Variants in KIFAP3 observed in about 807,000 individuals in gnomAD.
KIFAP3 encodes kinesin associated protein 3, also known as kinesin-associated protein 3.
Under a neutral mutation model 106.5 loss-of-function variants are expected in KIFAP3, and 68 were observed. The observed-to-expected ratio is 0.64, with a 90% CI of 0.53 to 0.78. The LOEUF is 0.78. Among genes scored for constraint, KIFAP3 ranks in the 30% least tolerant of loss-of-function variants. The pLI is 0.00. For synonymous variants in KIFAP3, 320 were observed against 311.5 expected, an observed-to-expected ratio of 1.03 and a Z score of -0.29; for missense variants, 780 against 941.8, an observed-to-expected ratio of 0.83 and a Z score of 2.25.
chr1:169,978,246 T>C, intron 15 of KIFAP3, 63 bp from the exon 16 acceptor site: 2 of 1,067,696 alleles, frequency 1.9e-6, no homozygotes, highest in Non-Finnish European at 2.9e-6. Flanking sequence ...TTAAAATAAT[T>C]GAGGGGAATA....
At chr1:170,001,475 T>C (rs1393010287) in intron 10 of KIFAP3, among the ~76,000 whole-genome samples, 1 of 152,174 alleles carries the variant, frequency 6.6e-6, no homozygotes, top group African/African-American at 2.4e-5. Flanking sequence ...GCAATCTTGA[T>C]ATGAGTCTAC....
chr1:169,993,891 A>AT (rs1667243473), intron 10 of KIFAP3, among the ~76,000 whole-genome samples: 1 of 152,252 alleles, frequency 6.6e-6, no homozygotes, highest in Non-Finnish European at 1.5e-5. Context: ...TCAAAAAAAA[A>AT]GTAAGCAAAA....
In KIFAP3 at chr1:170,016,631, A is replaced by G; in HGVS notation, c.1021-7T>C. Reference sequence around the variant, plus strand: ...CAACAATATCCATTTCCACCTAAGTAAAATAATAATACAAATACAGTGAAG... The same window carrying G: ...CAACAATATCCATTTCCACCTAAGTGAAATAATAATACAAATACAGTGAAG... On this transcript the variant is annotated splice_polypyrimidine_tract_variant and splice_region_variant and intron_variant, in intron 9 of 19. Coordinates refer to ENST00000361580, the MANE Select transcript of KIFAP3 (RefSeq NM_014970.4). 1 of 1,547,130 alleles carries G rather than the reference A, an allele frequency of 6.5e-7. No individual in the cohort carries two copies. Among genetic ancestry groups the G allele is most frequent in the Non-Finnish European group, 8.7e-7 (1 of 1,144,674 alleles).
intron 14 of KIFAP3, 36 bp downstream of exon 14, chr1:169,982,666 T>A: frequency 7.2e-7 from 1 of 1,394,186 alleles, no homozygotes; most frequent in African/African-American, 1.5e-5. Flanking sequence ...AGAAATAACT[T>A]AGTGATTATA....
chr1:170,076,779 C>A (rs1261637587), upstream of KIFAP3, among the ~76,000 whole-genome samples: 1 of 152,112 alleles, frequency 6.6e-6, no homozygotes, highest in Non-Finnish European at 1.5e-5. Context: ...TTCAAATAAG[C>A]CCTATTAATT....
At chr1:170,065,014 T>A (rs1008058445) in intron 1 of KIFAP3, among the ~76,000 whole-genome samples, 1 of 152,198 alleles carries the variant, frequency 6.6e-6, no homozygotes, top group South Asian at 2.1e-4. Context: ...ATCCTTTTTT[T>A]TCTAGACTTC....
intron 17 of KIFAP3, among the ~76,000 whole-genome samples, chr1:169,961,540 T>C (rs1023495658): frequency 2.0e-5 from 3 of 152,160 alleles, no homozygotes; most frequent in East Asian, 1.9e-4. Flanking sequence ...AAGACTTCAG[T>C]TTCCAAAGAG....
intron 7 of KIFAP3, among the ~76,000 whole-genome samples, chr1:170,033,393 G>A (rs555787311): frequency 2.3e-4 from 35 of 151,762 alleles, no homozygotes; most frequent in Admixed American, 3.9e-4. Context: ...ACAAAGCAGA[G>A]TTAAAAATGT....
intron 10 of KIFAP3, among the ~76,000 whole-genome samples, chr1:170,010,113 A>C (rs1668171974): frequency 6.6e-6 from 1 of 152,112 alleles, no homozygotes; most frequent in East Asian, 1.9e-4. Flanking sequence ...TACTGAACTA[A>C]GCAGAAATAA....
chr1:170,038,659 T>C (rs1282428981), intron 4 of KIFAP3, among the ~76,000 whole-genome samples: 1 of 152,206 alleles, frequency 6.6e-6, no homozygotes, highest in Non-Finnish European at 1.5e-5. Context: ...AAATTGTCTA[T>C]CAATATAAAG....
intron 17 of KIFAP3, among the ~76,000 whole-genome samples, chr1:169,967,304 C>T (rs4141917): frequency 0.27 from 40,359 of 151,590 alleles, 6,282 homozygotes; most frequent in East Asian, 0.5. Context: ...CTGGACAAAA[C>T]TTTCCTTTTT....
In KIFAP3 at chr1:170,057,593, GT is replaced by G. The variant is rs34212266; in HGVS notation, c.33-2158del. ...ATACAAAGAGAGAATGACAGCTATAGTTTTTTTTTTTTAACAGAAGAGGCTT... is the reference window on the plus strand; with the variant it reads ...ATACAAAGAGAGAATGACAGCTATAGTTTTTTTTTTTAACAGAAGAGGCTT... On this transcript the variant is annotated intron_variant, in intron 1 of 19. Transcript: ENST00000361580. Among the ~76,000 whole-genome samples the G allele has an allele frequency of 3.4e-4, 50 of 147,620 alleles. No homozygotes were observed. In the East Asian group the frequency reaches 4.9e-3, roughly 14 times the overall value.
At chr1:170,070,868 T>C (rs1479167087) in intron 1 of KIFAP3, among the ~76,000 whole-genome samples, 1 of 152,104 alleles carries the variant, frequency 6.6e-6, no homozygotes, top group Non-Finnish European at 1.5e-5. Flanking sequence ...ACCAAGATAG[T>C]GCAAAGAAAA....
At chr1:170,059,654 T>TC (rs1671031859) in intron 1 of KIFAP3, among the ~76,000 whole-genome samples, 3 of 152,160 alleles carry the variant, frequency 2.0e-5, no homozygotes, top group African/African-American at 2.4e-5. Flanking sequence ...GAATCCTCCC[T>TC]AACTCATTTT....
intron 3 of KIFAP3, among the ~76,000 whole-genome samples, chr1:170,039,958 A>C (rs1669888571): frequency 6.6e-6 from 1 of 152,116 alleles, no homozygotes; most frequent in Non-Finnish European, 1.5e-5. Context: ...AAACTATCAA[A>C]TATACTTTAT....
At chr1:170,065,991 C>T (rs1331526761) in intron 1 of KIFAP3, among the ~76,000 whole-genome samples, 1 of 152,120 alleles carries the variant, frequency 6.6e-6, no homozygotes, top group Non-Finnish European at 1.5e-5. Flanking sequence ...TGATTATTTT[C>T]CTAACAGCCT....
At chr1:170,072,105 TTAAA>T (rs1453362469) in intron 1 of KIFAP3, among the ~76,000 whole-genome samples, 13 of 152,364 alleles carry the variant, frequency 8.5e-5, no homozygotes, top group African/African-American at 3.1e-4. Flanking sequence ...ATCTCAACTA[TTAAA>T]TGAATGAACA....
At chr1:170,064,002 T>C (rs1424250874) in intron 1 of KIFAP3, among the ~76,000 whole-genome samples, 3 of 152,210 alleles carry the variant, frequency 2.0e-5, no homozygotes, top group Non-Finnish European at 4.4e-5. Context: ...CCAAGTACCT[T>C]ATATTGTTAT....
At chr1:170,058,388 T>C (rs1161209888) in intron 1 of KIFAP3, among the ~76,000 whole-genome samples, 1 of 152,198 alleles carries the variant, frequency 6.6e-6, no homozygotes, top group African/African-American at 2.4e-5. Flanking sequence ...ACTCTCCATA[T>C]GCTCTCTGGC....
Sources: gnomAD v4.1 joint callset for allele counts (sites outside exome capture counted in the v4.1 genomes callset) on GRCh38, gnomAD v4.1.1 for gene constraint, MANE v1.5 for transcripts, NCBI Gene and HGNC (gene_info 2026-07-23, HGNC 2026-07-21) for gene names.